AMZ2: variants seen among roughly 807,000 people sequenced by gnomAD.
AMZ2 encodes archaelysin family metallopeptidase 2, also known as archaemetzincin-2.
Under a neutral mutation model 36.7 loss-of-function variants are expected in AMZ2, and 26 were observed. The ratio of observed to expected loss-of-function variants is 0.71; its 90% CI spans 0.52 to 0.98. The LOEUF (loss-of-function observed/expected upper bound fraction) is 0.98. Ranked by LOEUF, AMZ2 falls within the 50% of genes least tolerant of loss-of-function variation. The probability of loss-of-function intolerance (pLI) is 0.00; values close to 1 mark genes in which losing one functional copy is unlikely to be tolerated. For missense variants in AMZ2, 394 were observed against 430.5 expected, an observed-to-expected ratio of 0.92 and a Z score of 0.75; for synonymous variants, 144 against 149.1, an observed-to-expected ratio of 0.97 and a Z score of 0.25.
At chr17:68,209,632 A>ATATATATGTATATATATTTT in intron 1 of AMZ2, among the ~76,000 whole-genome samples, 6 of 90,688 alleles carry the variant, frequency 6.6e-5, no homozygotes, top group Non-Finnish European at 1.0e-4. Context: ...ATATATATAT[A>ATATATATGTATATATATTTT]TTTTTTTTTT....
chr17:68,241,792 C>G (rs150223962), intron 1 of AMZ2, among the ~76,000 whole-genome samples: 9,054 of 145,134 alleles, frequency 0.062, 476 homozygotes, highest in Admixed American at 0.14. Context: ...GTGGCATGAT[C>G]TCAGAACCTG....
At chr17:68,228,800 A>T (rs1555730505) in intron 1 of AMZ2, among the ~76,000 whole-genome samples, 4 of 152,168 alleles carry the variant, frequency 2.6e-5, no homozygotes, top group Non-Finnish European at 1.5e-5. Context: ...TCACATTTCC[A>T]CCTGCTCCTC....
intron 4 of AMZ2, among the ~76,000 whole-genome samples, chr17:68,251,680 A>G (rs547206683): frequency 2.2e-4 from 33 of 152,204 alleles, no homozygotes; most frequent in African/African-American, 6.5e-4. Context: ...AAAAAAATGT[A>G]TATATAGGCC....
chr17:68,237,220 G>A (rs1454035755), intron 1 of AMZ2, among the ~76,000 whole-genome samples: 1 of 152,110 alleles, frequency 6.6e-6, no homozygotes, highest in Non-Finnish European at 1.5e-5. Context: ...AATTCTAGAG[G>A]TCCCACGTTG....
Position 68,255,810 on chromosome 17 carries a change from C to T in AMZ2, c.861C>T (p.Asn287=). 1 of 1,614,150 alleles carries T rather than the reference C, an allele frequency of 6.2e-7. No homozygotes were observed. The highest frequency in any genetic ancestry group is 8.5e-7 in the Non-Finnish European group (1 of 1,180,026). Residue 287 remains asparagine, a synonymous_variant, in exon 6 of 7, where the codon AAC becomes AAT. Coordinates refer to ENST00000359904, the MANE Select transcript of AMZ2 (RefSeq NM_016627.5). ...HLEEADRRPL[N]LCPICLHKLQ... is the part of the protein sequence containing the mutation. ...AAGAAGCTGACCGGCGCCCTCTAAA[C>T]CTTTGCCCTATCTGTTTGCACAAGT...
chr17:68,223,753 T>C (rs1428065520), intron 1 of AMZ2, among the ~76,000 whole-genome samples: 1 of 151,958 alleles, frequency 6.6e-6, no homozygotes, highest in Non-Finnish European at 1.5e-5. Flanking sequence ...TCACGCTCTG[T>C]CACCCAGGCT....
Position 68,250,904 on chromosome 17 carries a change from G to A in AMZ2, c.394G>A (p.Val132Ile), listed in dbSNP as rs1555739281. ...AGTAAAACTCCTAGAACCAGTTCCT[G>A]TTTCTGTAACAAGATGTTCCTTTAG... ...LRVKLLEPVPVSVTRCSFRVN... is the reference protein window; with the variant it reads ...LRVKLLEPVPISVTRCSFRVN... Residue 132 changes from valine (V) to isoleucine (I), a missense_variant, in exon 3 of 7, where the codon GTT becomes ATT. Val to Ile is a conservative substitution (Grantham distance 29). Transcript: ENST00000359904. The A allele has an allele frequency of 6.2e-7, 1 of 1,610,808 alleles. No homozygotes were observed. The highest frequency in any genetic ancestry group is 1.1e-5 in the South Asian group (1 of 89,876).
intron 1 of AMZ2, among the ~76,000 whole-genome samples, chr17:68,232,558 G>C (rs1305137584): frequency 6.6e-6 from 1 of 151,500 alleles, no homozygotes; most frequent in Non-Finnish European, 1.5e-5. Context: ...GAAAACCTTT[G>C]GGCTGGGTGT....
intron 1 of AMZ2, among the ~76,000 whole-genome samples, chr17:68,238,342 C>T (rs73349673): frequency 0.016 from 2,477 of 152,244 alleles, 64 homozygotes; most frequent in African/African-American, 0.057. Context: ...TCACTATACC[C>T]AGCCTGACCA....
Position 68,235,178 on chromosome 17 carries a change from G to A in AMZ2, c.-66-13462G>A, listed in dbSNP as rs191257777. ...ACTTGTGACCAACACATCCAACCAC[G>A]AGGATATATCACAAGTACTTGTCTC... On this transcript the variant is annotated intron_variant, in intron 1 of 7. Coordinates refer to the AMZ2 transcript ENST00000674770. The surrounding 1 kb of genome is among the most constrained non-coding windows in gnomAD (Gnocchi z 4.2). Among the ~76,000 whole-genome samples, 3 of 152,234 alleles carry A rather than the reference G, an allele frequency of 2.0e-5. No homozygotes were observed. The highest frequency in any genetic ancestry group is 6.5e-5 in the Admixed American group (1 of 15,292).
intron 5 of AMZ2, 64 bp downstream of exon 5, chr17:68,254,631 A>G (rs2074757653): frequency 5.9e-6 from 8 of 1,367,086 alleles, no homozygotes; most frequent in South Asian, 4.0e-5. Flanking sequence ...CGTAAACTGT[A>G]TATTGTCAGT....
At chr17:68,227,299 A>T (rs2073540651) in intron 1 of AMZ2, among the ~76,000 whole-genome samples, 1 of 152,118 alleles carries the variant, frequency 6.6e-6, no homozygotes. Context: ...CCCCTGGCTT[A>T]TTGGAGGAGT....
intron 1 of AMZ2, among the ~76,000 whole-genome samples, chr17:68,241,744 G>T (rs1555734012): frequency 1.8e-4 from 27 of 151,026 alleles, no homozygotes. Flanking sequence ...TATTATTATT[G>T]AGATGGAGTC....
At chr17:68,225,943 T>C (rs7211513) in intron 1 of AMZ2, among the ~76,000 whole-genome samples, 54,335 of 151,998 alleles carry the variant, frequency 0.36, 11,366 homozygotes, top group African/African-American at 0.59. Context: ...TTTTTCAGCA[T>C]GTAATTAAGG....
chr17:68,250,682 T>C (rs1599413469), intron 2 of AMZ2, 112 bp from the exon 3 acceptor site: 1 of 1,212,334 alleles, frequency 8.2e-7, no homozygotes, highest in East Asian at 2.4e-5. Flanking sequence ...ATAAAGGTTA[T>C]TGAAAATTTA....
chr17:68,206,483 T>C (rs539934208), intron 1 of AMZ2: 57 of 173,754 alleles, frequency 3.3e-4, no homozygotes, highest in Middle Eastern at 2.6e-3. Flanking sequence ...GCTCTCTCTC[T>C]CCCCCCCAAC....
Position 68,229,787 on chromosome 17 carries a change from C to T in AMZ2, c.-66-18853C>T, listed in dbSNP as rs560026158. On this transcript the variant is annotated intron_variant, in intron 1 of 7. Coordinates refer to the AMZ2 transcript ENST00000674770. ...AGTTGGAGATGTGGCTTCACCACCCCCATGTCAGGGGTCCGGGCTGGTGTA... is the reference window on the plus strand; with the variant it reads ...AGTTGGAGATGTGGCTTCACCACCCTCATGTCAGGGGTCCGGGCTGGTGTA... Among the ~76,000 whole-genome samples, 322 of 152,340 alleles carry T rather than the reference C, an allele frequency of 2.1e-3. 9 individuals carry two copies. The South Asian group carries it at 0.064, about 30-fold the overall frequency.
chr17:68,219,462 C>T (rs530456011), intron 1 of AMZ2, among the ~76,000 whole-genome samples: 2 of 152,218 alleles, frequency 1.3e-5, no homozygotes, highest in African/African-American at 4.8e-5. Context: ...GCAGTTCTTT[C>T]TCTGAGTACT....
chr17:68,217,708 G>A (rs782643483), intron 1 of AMZ2, among the ~76,000 whole-genome samples: 1 of 151,730 alleles, frequency 6.6e-6, no homozygotes, highest in Non-Finnish European at 1.5e-5. Flanking sequence ...TAATTGTAAT[G>A]TTAGCAATTT....
Sources: allele counts gnomAD v4.1 joint callset (sites outside exome capture counted in the v4.1 genomes callset), GRCh38; gene constraint gnomAD v4.1.1; non-coding constraint Gnocchi (gnomAD v3.1); transcripts MANE v1.5; gene names NCBI Gene and HGNC (gene_info 2026-07-23, HGNC 2026-07-21).